The following CNTNAP2 variants were observed in gnomAD, a reference collection of about 807,000 sequenced individuals.
CNTNAP2 encodes the protein contactin-associated protein-like 2.
In CNTNAP2, 98 loss-of-function variants were observed where a neutral mutation model predicts 155.2. The observed-to-expected ratio is 0.63, with a 90% CI of 0.54 to 0.75. CNTNAP2 has a LOEUF of 0.75. Among genes scored for constraint, CNTNAP2 ranks in the 30% least tolerant of loss-of-function variants. CNTNAP2 has a pLI of 0.00. For synonymous variants in CNTNAP2, 651 were observed against 631.2 expected, an observed-to-expected ratio of 1.03 and a Z score of -0.47; for missense variants, 1,727 against 1,688.1, an observed-to-expected ratio of 1.02 and a Z score of -0.40.
chr7:146,887,562 T>C (rs1210156592), intron 3 of CNTNAP2, among the ~76,000 whole-genome samples: 1 of 152,186 alleles, frequency 6.6e-6, no homozygotes, highest in African/African-American at 2.4e-5. Flanking sequence ...GAATCAGTTT[T>C]TCTTTCACAT....
rs148320505 is a variant in CNTNAP2, at chr7:146,354,758, T to C, written c.97+237785T>C. Among the ~76,000 whole-genome samples the C allele has an allele frequency of 3.7e-3, 566 of 152,250 alleles. 3 individuals are homozygous for C. The highest frequency in any genetic ancestry group is 0.013 in the African/African-American group (532 of 41,530). ...TAAGGGACCATATAATCATATAATA[T>C]AGTGGGCAACCTGGTCTCTTTCTCT... On this transcript the variant is annotated intron_variant, in intron 1 of 23. Coordinates refer to ENST00000361727, the MANE Select transcript of CNTNAP2 (RefSeq NM_014141.6).
intron 2 of CNTNAP2, among the ~76,000 whole-genome samples, chr7:146,799,091 TTG>T (rs1490767623): frequency 6.6e-6 from 1 of 152,200 alleles, no homozygotes; most frequent in Non-Finnish European, 1.5e-5. Flanking sequence ...GTGATAAACA[TTG>T]TGTCCAGACT....
At chr7:147,403,685 C>T (rs1441134990) in intron 10 of CNTNAP2, among the ~76,000 whole-genome samples, 2 of 152,160 alleles carry the variant, frequency 1.3e-5, no homozygotes, top group Non-Finnish European at 2.9e-5. Context: ...TGGTTTTAGA[C>T]TACTTTTCCA....
intron 3 of CNTNAP2, among the ~76,000 whole-genome samples, chr7:146,985,548 C>T (rs1303517519): frequency 6.6e-6 from 1 of 152,000 alleles, no homozygotes; most frequent in African/African-American, 2.4e-5. Flanking sequence ...TCTCGATCTC[C>T]TGACCTCGTG....
intron 2 of CNTNAP2, among the ~76,000 whole-genome samples, chr7:146,830,496 T>G (rs1406817418): frequency 2.0e-5 from 3 of 152,182 alleles, no homozygotes; most frequent in Non-Finnish European, 4.4e-5. Flanking sequence ...TTTATAAAAA[T>G]GCATGAAAAA....
At chr7:147,637,831 C>T (rs958816439) in intron 12 of CNTNAP2, among the ~76,000 whole-genome samples, 1 of 152,062 alleles carries the variant, frequency 6.6e-6, no homozygotes, top group Non-Finnish European at 1.5e-5. Context: ...TATTAGCAGC[C>T]ATTGATAATC....
chr7:147,748,872 G>A (rs988039000), intron 13 of CNTNAP2, among the ~76,000 whole-genome samples: 12 of 152,084 alleles, frequency 7.9e-5, no homozygotes, highest in Admixed American at 6.5e-4. Context: ...TAGGCAGACT[G>A]AAACAAAAAG....
chr7:146,371,548 T>G (rs1795236439), intron 1 of CNTNAP2, among the ~76,000 whole-genome samples: 1 of 151,928 alleles, frequency 6.6e-6, no homozygotes, highest in African/African-American at 2.4e-5. Context: ...TTTTATTTTT[T>G]TTGTATTTTT....
At chr7:146,578,429 A>G (rs1369864657) in intron 1 of CNTNAP2, among the ~76,000 whole-genome samples, 1 of 152,174 alleles carries the variant, frequency 6.6e-6, no homozygotes, top group African/African-American at 2.4e-5. Context: ...CCTCAGCTCC[A>G]GAAAAACACA....
chr7:147,408,896 G>A (rs1797055528), intron 10 of CNTNAP2, among the ~76,000 whole-genome samples: 1 of 152,198 alleles, frequency 6.6e-6, no homozygotes, highest in Admixed American at 6.5e-5. Context: ...CTGGGCAGAG[G>A]TGATGAGAAA....
intron 10 of CNTNAP2, among the ~76,000 whole-genome samples, chr7:147,404,947 T>G (rs1226992173): frequency 6.6e-6 from 1 of 152,182 alleles, no homozygotes; most frequent in Non-Finnish European, 1.5e-5. Context: ...GAGATAACTC[T>G]CCTAAGAAAT....
intron 1 of CNTNAP2, among the ~76,000 whole-genome samples, chr7:146,124,257 A>G (rs1383783961): frequency 3.3e-5 from 5 of 152,318 alleles, no homozygotes; most frequent in Admixed American, 2.6e-4. Context: ...TTTAAAAAAA[A>G]AAGTGCTTAT....
rs1450582192 is a variant in CNTNAP2 at position 147,443,636 on chromosome 7, A to G, written c.1671-42299A>G. 5.3e-5 allele frequency among the ~76,000 whole-genome samples: 8 copies of G among 152,156 alleles called. No individual in the cohort carries two copies. The East Asian group carries it at 1.5e-3, about 29-fold the overall frequency. ...TTCTTGCTCTGCCCTCTAATTTGTA[A>G]CATTTTTTTAGCTCTTTTTAGATTC... On this transcript the variant is annotated intron_variant, in intron 10 of 23. Coordinates refer to ENST00000361727, the MANE Select transcript of CNTNAP2 (RefSeq NM_014141.6).
intron 15 of CNTNAP2, among the ~76,000 whole-genome samples, chr7:148,098,945 G>A (rs942165815): frequency 9.2e-5 from 14 of 152,142 alleles, no homozygotes; most frequent in Non-Finnish European, 1.9e-4. Flanking sequence ...TGACACAGCC[G>A]CATCAACATC....
At chr7:147,898,700 A>G (rs1264219181) in intron 13 of CNTNAP2, among the ~76,000 whole-genome samples, 2 of 152,018 alleles carry the variant, frequency 1.3e-5, no homozygotes, top group Non-Finnish European at 2.9e-5. Flanking sequence ...TTGTAGTTTT[A>G]GTAGAGACGG....
chr7:147,677,090 C>A (rs1236749494), intron 13 of CNTNAP2, among the ~76,000 whole-genome samples: 1 of 151,060 alleles, frequency 6.6e-6, no homozygotes, highest in African/African-American at 2.4e-5. Flanking sequence ...TTTTGAGGAA[C>A]CTCCATACTG....
chr7:147,460,149 A>G (rs1035218765), intron 10 of CNTNAP2, among the ~76,000 whole-genome samples: 8 of 152,052 alleles, frequency 5.3e-5, no homozygotes, highest in African/African-American at 1.7e-4. Context: ...AAGAAAGAAG[A>G]GGAAAAATAG....
chr7:148,183,939 A>T (rs1262626295), intron 18 of CNTNAP2, among the ~76,000 whole-genome samples: 2 of 152,186 alleles, frequency 1.3e-5, no homozygotes, highest in Non-Finnish European at 2.9e-5. Flanking sequence ...TCTAATATGA[A>T]AACAGTAGGG....
At chr7:146,295,583 A>G (rs1800501437) in intron 1 of CNTNAP2, among the ~76,000 whole-genome samples, 1 of 152,114 alleles carries the variant, frequency 6.6e-6, no homozygotes, top group Non-Finnish European at 1.5e-5. Flanking sequence ...CACCCATTAA[A>G]ATATTTTTTC....
Sources: gnomAD v4.1 joint callset for allele counts (sites outside exome capture counted in the v4.1 genomes callset) on GRCh38, gnomAD v4.1.1 for gene constraint, MANE v1.5 for transcripts, NCBI Gene and HGNC (gene_info 2026-07-23, HGNC 2026-07-21) for gene names.